Variants in PLIN5 observed in about 807,000 individuals in gnomAD.
PLIN5 encodes the protein perilipin 5, also known as perilipin-5.
In PLIN5, 34 loss-of-function variants were observed where a neutral mutation model predicts 32.8. The ratio of observed to expected loss-of-function variants is 1.04; its 90% CI spans 0.79 to 1.38. The LOEUF is 1.38. Among genes scored for constraint, PLIN5 ranks in the 40% most tolerant of loss-of-function variants. The pLI, the probability that PLIN5 is intolerant of heterozygous loss-of-function variation, is 0.00. For missense variants in PLIN5, 712 were observed against 660.5 expected, an observed-to-expected ratio of 1.08 and a Z score of -0.85; for synonymous variants, 309 against 292.9, an observed-to-expected ratio of 1.05 and a Z score of -0.56.
At chr19:4,532,739 G>A (rs955143458) in intron 2 of PLIN5, 2 of 152,190 alleles carry the variant, frequency 1.3e-5, no homozygotes, top group African/African-American at 2.4e-5. Context: ...ATTCAAGCAC[G>A]GCTCACTGCA....
Position 4,523,287 on chromosome 19 carries a change from C to T in PLIN5, c.*241G>A, listed in dbSNP as rs1230835686. ...AGCAGGACATAGGTGAAGAACCCAGCTTGTGGCTCAAGTTGGCCTGAATAG... is the reference window on the plus strand; with the variant it reads ...AGCAGGACATAGGTGAAGAACCCAGTTTGTGGCTCAAGTTGGCCTGAATAG... On this transcript the variant is annotated 3_prime_UTR_variant, in exon 8 of 8. Coordinates refer to ENST00000381848, the MANE Select transcript of PLIN5 (RefSeq NM_001013706.3). This position sits in a 1 kb window ranked among gnomAD's most constrained non-coding sequence, Gnocchi z 5.0. The T allele has an allele frequency of 1.8e-5, 8 of 453,098 alleles. No individual in the cohort carries two copies. The highest frequency in any genetic ancestry group is 4.1e-5 in the African/African-American group (2 of 48,922). 28.1% of individuals were successfully genotyped at this position (453,098 alleles called of 1,614,324 possible).
At chr19:4,526,556 A>G (rs1183213412) in intron 5 of PLIN5, among the ~76,000 whole-genome samples, 2 of 152,140 alleles carry the variant, frequency 1.3e-5, no homozygotes, top group African/African-American at 4.8e-5. Context: ...TTTTAAAAAT[A>G]TAGGTTGGGT....
At position 4,529,868 on chromosome 19, in the gene PLIN5, T is replaced by C; in HGVS notation, c.257-2A>G. The C allele has an allele frequency of 6.3e-7, 1 of 1,591,188 alleles. No individual in the cohort carries two copies. The highest frequency in any genetic ancestry group is 8.6e-7 in the Non-Finnish European group (1 of 1,164,136). On this transcript the variant is annotated splice_acceptor_variant, in intron 3 of 7. Transcript: ENST00000381848. LOFTEE classifies it high-confidence loss of function. ...AGGCGAGGCTGTTCATAGTGGCCAC[T>C]GAAGGGAGAGAGGCGGGGAGTGAGA...
rs762421444 is a variant in PLIN5 at position 4,524,057 on chromosome 19, C to A, written c.863G>T (p.Arg288Leu). ...QAELETLVLS[R>L]SLTQELQGTV... ...GCCCTGCAGCTCCTGGGTCAGGCTGCGGGACAGCACCAGCGTCTCCAGCTC... is the reference window on the plus strand; with the variant it reads ...GCCCTGCAGCTCCTGGGTCAGGCTGAGGGACAGCACCAGCGTCTCCAGCTC... The change falls in exon 8 of 8, where the codon CGC (arginine) becomes CTC (leucine). Residue 288 changes from arginine (R) to leucine (L), a missense_variant. Transcript: ENST00000381848. The A allele has an allele frequency of 6.9e-7, 1 of 1,457,404 alleles. No individual in the cohort carries two copies. The highest frequency in any genetic ancestry group is 2.7e-5 in the East Asian group (1 of 37,000). The allele number at this position is 1,457,404 out of a possible 1,614,324, so 90.3% of individuals were successfully genotyped here.
chr19:4,525,912 ACAGGATACGGGGACAGCACG>A lies in PLIN5; in HGVS notation c.521-100_521-81del, dbSNP rs1976796897. 5.6e-6 allele frequency: 3 copies of A among 533,436 alleles called. No homozygotes were observed. The highest frequency in any genetic ancestry group is 5.5e-5 in the African/African-American group (2 of 36,442). The allele number at this position is 533,436 out of a possible 1,614,324, so 33.0% of individuals were successfully genotyped here. ...GACAGGATACGGGGACAGCACGGGG[ACAGGATACGGGGACAGCACG>A]GGGACAGGATACGGGGACAGCACGG... On this transcript the variant is annotated intron_variant, in intron 5 of 7. Transcript: ENST00000381848. The surrounding 1 kb of genome is among the most constrained non-coding windows in gnomAD (Gnocchi z 5.6).
Position 4,524,085 on chromosome 19 carries a change from C to T in PLIN5, c.835G>A (p.Ala279Thr). The change falls in exon 8 of 8, where the codon GCA becomes ACA. Residue 279 changes from alanine to threonine, a missense_variant and splice_region_variant. Ala to Thr is a moderately conservative substitution (Grantham distance 58). Coordinates refer to ENST00000381848, the MANE Select transcript of PLIN5 (RefSeq NM_001013706.3). The part of the protein sequence containing the change: ...RPPESRRRSQ[A>T]ELETLVLSRS... The stretch of plus-strand genomic sequence containing the variant: ...GACAGCACCAGCGTCTCCAGCTCTG[C>T]CTGCAGGGGGCGGGGACCTCAGTTT... 2 of 1,419,344 alleles carry T rather than the reference C, an allele frequency of 1.4e-6. No individual in the cohort carries two copies. The highest frequency in any genetic ancestry group is 1.8e-6 in the Non-Finnish European group (2 of 1,092,882). The allele number at this position is 1,419,344 out of a possible 1,614,324, so 87.9% of individuals were successfully genotyped here. A position where few individuals can be genotyped will look rare whatever the true frequency, so the allele number is the denominator to read the frequency against.
chr19:4,532,139 A>G (rs1425241502), intron 2 of PLIN5, among the ~76,000 whole-genome samples: 1 of 151,612 alleles, frequency 6.6e-6, no homozygotes, highest in Non-Finnish European at 1.5e-5. Flanking sequence ...GATTCAAACG[A>G]TTCTCCTGCC....
rs369901049 is a variant in PLIN5, at chr19:4,529,192, C to T, written c.401G>A (p.Arg134Gln). 273 of 1,612,806 alleles carry T rather than the reference C, an allele frequency of 1.7e-4. No individual in the cohort carries two copies. The highest frequency in any genetic ancestry group is 2.2e-4 in the Non-Finnish European group (257 of 1,179,756). ...CTCCACGCTCCAGCGCCGGCCCCTC[C>T]GGGCCAGGTCCACCACACCCGTGAC... Reference protein sequence around the residue: ...SSVTGVVDLARRGRRWSVELK... With the variant: ...SSVTGVVDLAQRGRRWSVELK... The change falls in exon 5 of 8, where the codon CGG (arginine) becomes CAG (glutamine). Residue 134 changes from arginine (R) to glutamine (Q), a missense_variant. By Grantham distance (43) the Arg-to-Gln change is conservative. Coordinates refer to ENST00000381848, the MANE Select transcript of PLIN5 (RefSeq NM_001013706.3).
At chr19:4,533,978 C>T in intron 2 of PLIN5, 37 bp downstream of exon 2, 1 of 1,600,572 alleles carries the variant, frequency 6.2e-7, no homozygotes, top group Non-Finnish European at 8.5e-7. Context: ...CCACACAATA[C>T]CTTCTGTCCC....
At chr19:4,528,008 C>T (rs1265198764) in intron 5 of PLIN5, among the ~76,000 whole-genome samples, 2 of 151,632 alleles carry the variant, frequency 1.3e-5, no homozygotes, top group Non-Finnish European at 2.9e-5. Context: ...CCCCCGGGTT[C>T]ACGCCATTCT....
intron 5 of PLIN5, among the ~76,000 whole-genome samples, chr19:4,526,118 G>A (rs1309282734): frequency 6.6e-6 from 1 of 152,158 alleles, no homozygotes; most frequent in Non-Finnish European, 1.5e-5. Context: ...GGTGGGCCCT[G>A]TTTTACACAG....
chr19:4,531,639 G>A lies in PLIN5; in HGVS notation c.244C>T (p.Leu82=). Residue 82 remains leucine (L), a synonymous_variant, in exon 3 of 8, where the codon CTG becomes TTG. Transcript: ENST00000381848. The part of the protein sequence containing the change: ...LDHAQPLLEH[L]QPQLATMNSL... Reference sequence around the variant, plus strand: ...CCAGGGCACTCACGCTGGGGCTGCAGGTGCTCGAGCAGCGGCTGGGCGTGG... The same window carrying A: ...CCAGGGCACTCACGCTGGGGCTGCAAGTGCTCGAGCAGCGGCTGGGCGTGG... The A allele has an allele frequency of 6.6e-7, 1 of 1,524,602 alleles. No individual in the cohort carries two copies. Among genetic ancestry groups the A allele is most frequent in the Admixed American group, 2.0e-5 (1 of 50,220 alleles). The allele number at this position is 1,524,602 out of a possible 1,614,324, so 94.4% of individuals were successfully genotyped here.
chr19:4,533,661 T>C, intron 2 of PLIN5: 1 of 458,904 alleles, frequency 2.2e-6, no homozygotes, highest in Non-Finnish European at 3.8e-6. Context: ...CGGTTGGAAC[T>C]GTGACTGATA....
At chr19:4,534,194 T>C in intron 1 of PLIN5, 99 bp from the exon 2 acceptor site, 1 of 948,952 alleles carries the variant, frequency 1.1e-6, no homozygotes, top group Non-Finnish European at 1.6e-6. Flanking sequence ...TCTTGGGGCC[T>C]CAGTTTCTTC....
In PLIN5 at chr19:4,531,757, A is replaced by C; in HGVS notation, c.126T>G (p.Val42=). ...GGTGCCTGTCCTTGGCTGCACTGTA[A>C]ACATCGCAGACCGCGGTGCACGTGG... ...VRATCTAVCD[V]YSAAKDRHPL... The change falls in exon 3 of 8, where the codon GTT becomes GTG. Residue 42 remains valine, a synonymous_variant. Coordinates refer to ENST00000381848, the MANE Select transcript of PLIN5 (RefSeq NM_001013706.3). 2 of 1,601,026 alleles carry C rather than the reference A, an allele frequency of 1.2e-6. No homozygotes were observed. Among genetic ancestry groups the C allele is most frequent in the Non-Finnish European group, 1.7e-6 (2 of 1,176,250 alleles).
At chr19:4,533,861 T>C (rs975418551) in intron 2 of PLIN5, 154 bp downstream of exon 2, 11 of 835,936 alleles carry the variant, frequency 1.3e-5, no homozygotes, top group African/African-American at 1.7e-5. Context: ...CACTAGGAAA[T>C]AGACCATCCC....
intron 5 of PLIN5, among the ~76,000 whole-genome samples, chr19:4,527,538 C>CAAAAAA (rs1176219746): frequency 4.0e-4 from 12 of 29,682 alleles, no homozygotes; most frequent in Admixed American, 9.7e-4. Flanking sequence ...GACTCCACTT[C>CAAAAAA]AAAAAAAAAA....
intron 1 of PLIN5, 30 bp from the exon 2 acceptor site, chr19:4,534,125 C>A: frequency 1.3e-6 from 2 of 1,570,602 alleles, no homozygotes; most frequent in East Asian, 2.3e-5. Context: ...AAGGGGAGCA[C>A]CTGCCCAGGC....
Position 4,525,165 on chromosome 19 carries a change from C to A in PLIN5, c.721-89G>T. On this transcript the variant is annotated intron_variant, in intron 6 of 7. Coordinates refer to ENST00000381848, the MANE Select transcript of PLIN5 (RefSeq NM_001013706.3). The surrounding 1 kb of genome is among the most constrained non-coding windows in gnomAD (Gnocchi z 5.6). Reference sequence around the variant, plus strand: ...GGGTCCAGGACCACTGATCTGGCCTCAGTAAGCATTTAGGAGACCGAGGCA... The same window carrying A: ...GGGTCCAGGACCACTGATCTGGCCTAAGTAAGCATTTAGGAGACCGAGGCA... 1 of 810,176 alleles carries A rather than the reference C, an allele frequency of 1.2e-6. No individual in the cohort carries two copies. The highest frequency in any genetic ancestry group is 3.1e-5 in the East Asian group (1 of 32,548). The allele number at this position is 810,176 out of a possible 1,614,324, so 50.2% of individuals were successfully genotyped here.
Sources: gnomAD v4.1 joint callset for allele counts (sites outside exome capture counted in the v4.1 genomes callset) on GRCh38, gnomAD v4.1.1 for gene constraint, Gnocchi (gnomAD v3.1) non-coding constraint, MANE v1.5 for transcripts, NCBI Gene and HGNC (gene_info 2026-07-23, HGNC 2026-07-21) for gene names.